Variants in NRG1 observed in about 807,000 individuals in gnomAD.
NRG1 encodes neuregulin 1.
In NRG1, 18 loss-of-function variants were observed where a neutral mutation model predicts 63.8. That is an observed-to-expected ratio of 0.28 (90% CI 0.19 to 0.42). The LOEUF is 0.42. Ranked by LOEUF, NRG1 falls within the 10% of genes least tolerant of loss-of-function variation. The probability of loss-of-function intolerance (pLI) is 1.00; values close to 1 mark genes in which losing one functional copy is unlikely to be tolerated. For missense variants in NRG1, 762 were observed against 814.7 expected (o/e 0.94, Z 0.79); for synonymous variants, 302 against 301.3 (o/e 1.00, Z -0.02).
At chr8:32,611,933 C>A (rs1245601942) in intron 3 of NRG1, among the ~76,000 whole-genome samples, 1 of 151,922 alleles carries the variant, frequency 6.6e-6, no homozygotes, top group East Asian at 1.9e-4. Flanking sequence ...TAGAAAAATT[C>A]CTTTCTAGAA....
intron 1 of NRG1, among the ~76,000 whole-genome samples, chr8:32,515,729 T>C (rs1188362810): frequency 6.6e-6 from 1 of 152,174 alleles, no homozygotes; most frequent in Non-Finnish European, 1.5e-5. Context: ...CATAAGCCAC[T>C]ATGCTCAGGC....
At chr8:32,717,290 A>G (rs1819489414) in intron 5 of NRG1, among the ~76,000 whole-genome samples, 1 of 152,190 alleles carries the variant, frequency 6.6e-6, no homozygotes, top group African/African-American at 2.4e-5. Flanking sequence ...ACTTAAAATT[A>G]TATGTTTTTT....
chr8:31,694,898 G>A (rs982204797), intron 1 of NRG1, among the ~76,000 whole-genome samples: 1 of 152,230 alleles, frequency 6.6e-6, no homozygotes, highest in Non-Finnish European at 1.5e-5. Flanking sequence ...TGGGGGAAAA[G>A]TGTATGGAAA....
At chr8:31,702,358 C>T (rs1031728089) in intron 1 of NRG1, among the ~76,000 whole-genome samples, 2 of 152,062 alleles carry the variant, frequency 1.3e-5, no homozygotes, top group African/African-American at 2.4e-5. Flanking sequence ...GATTCATGCA[C>T]GTTAGCACAG....
intron 9 of NRG1, among the ~76,000 whole-genome samples, chr8:32,757,118 C>T (rs1378866419): frequency 6.6e-6 from 1 of 152,128 alleles, no homozygotes; most frequent in African/African-American, 2.4e-5. Flanking sequence ...GTCAAGCCCT[C>T]CAGATGAAAT....
At chr8:31,835,093 A>AT (rs1825571902) in intron 1 of NRG1, among the ~76,000 whole-genome samples, 3 of 152,204 alleles carry the variant, frequency 2.0e-5, no homozygotes, top group Non-Finnish European at 4.4e-5. Context: ...TTAATAGAGC[A>AT]TTTTTTACAA....
chr8:32,650,819 T>A (rs918666402), intron 5 of NRG1, among the ~76,000 whole-genome samples: 29 of 152,206 alleles, frequency 1.9e-4, no homozygotes, highest in African/African-American at 7.0e-4. Context: ...CATTATCATA[T>A]GTGAAACATG....
At chr8:32,621,393 A>T (rs1055835567) in intron 5 of NRG1, among the ~76,000 whole-genome samples, 6 of 152,240 alleles carry the variant, frequency 3.9e-5, no homozygotes, top group Non-Finnish European at 5.9e-5. Flanking sequence ...AGTCAATAGG[A>T]CTATCTTGCT....
chr8:31,756,153 A>G (rs942549176), intron 1 of NRG1, among the ~76,000 whole-genome samples: 21 of 152,124 alleles, frequency 1.4e-4, no homozygotes, highest in Admixed American at 1.4e-3. Flanking sequence ...AGAGGAGACA[A>G]CTGAAGTCTC....
At chr8:31,750,525 C>A (rs528972975) in intron 1 of NRG1, among the ~76,000 whole-genome samples, 1 of 151,934 alleles carries the variant, frequency 6.6e-6, no homozygotes, top group Non-Finnish European at 1.5e-5. Context: ...AAAATAAATT[C>A]TAAAACTCAA....
At chr8:32,727,927 T>A in intron 5 of NRG1, 22 bp from the exon 6 acceptor site, 1 of 1,613,050 alleles carries the variant, frequency 6.2e-7, no homozygotes, top group Non-Finnish European at 8.5e-7. Context: ...ATGTTAACCT[T>A]TCTCCTTTCT....
At chr8:32,683,818 G>A (rs1809336605) in intron 5 of NRG1, among the ~76,000 whole-genome samples, 1 of 150,990 alleles carries the variant, frequency 6.6e-6, no homozygotes, top group South Asian at 2.1e-4. Flanking sequence ...GACTCAACAT[G>A]CATTGTAGCC....
intron 1 of NRG1, among the ~76,000 whole-genome samples, chr8:32,565,102 G>A (rs1837200304): frequency 6.6e-6 from 1 of 151,872 alleles, no homozygotes; most frequent in South Asian, 2.1e-4. Context: ...AATCTTTTTT[G>A]AAGTTATGGC....
At chr8:32,768,428 C>T (rs1276578334), downstream of NRG1, among the ~76,000 whole-genome samples, 9 of 152,186 alleles carry the variant, frequency 5.9e-5, no homozygotes, top group Non-Finnish European at 1.5e-5. Flanking sequence ...GACACCTGGC[C>T]ATGCTAAGCT....
At chr8:31,873,120 C>T (rs775371234) in intron 1 of NRG1, among the ~76,000 whole-genome samples, 1 of 152,156 alleles carries the variant, frequency 6.6e-6, no homozygotes, top group Non-Finnish European at 1.5e-5. Flanking sequence ...CTCAATTATA[C>T]ACTGTAAATA....
intron 1 of NRG1, among the ~76,000 whole-genome samples, chr8:32,196,340 A>C (rs567866230): frequency 6.6e-6 from 1 of 152,206 alleles, no homozygotes; most frequent in African/African-American, 2.4e-5. Context: ...ATGTAGGGAT[A>C]GGCTGATGAG....
chr8:32,743,019 C>G, intron 7 of NRG1: 1 of 1,214,128 alleles, frequency 8.2e-7, no homozygotes, highest in Non-Finnish European at 1.0e-6. Context: ...CAATATCAAG[C>G]AGTGAAATAT....
intron 1 of NRG1, among the ~76,000 whole-genome samples, chr8:31,798,260 C>A (rs553380405): frequency 6.6e-6 from 1 of 152,030 alleles, no homozygotes; most frequent in Non-Finnish European, 1.5e-5. Flanking sequence ...GTGATAGATA[C>A]GGTGATTACC....
chr8:31,718,582 A>G (rs756569637), intron 1 of NRG1, among the ~76,000 whole-genome samples: 2 of 152,180 alleles, frequency 1.3e-5, no homozygotes, highest in African/African-American at 2.4e-5. Context: ...GATTGTTTTT[A>G]TCTCTTGATA....
Sources: allele counts gnomAD v4.1 joint callset (sites outside exome capture counted in the v4.1 genomes callset), GRCh38; gene constraint gnomAD v4.1.1; transcripts MANE v1.5; gene names NCBI Gene and HGNC (gene_info 2026-07-23, HGNC 2026-07-21).